Variants in NUCKS1 observed in about 807,000 individuals in gnomAD.
NUCKS1 encodes nuclear ubiquitous casein and cyclin-dependent kinase substrate 1.
Under a neutral mutation model 33.0 loss-of-function variants are expected in NUCKS1, and 2 were observed. The ratio of observed to expected loss-of-function variants is 0.06; its 90% CI spans 0.02 to 0.19. The LOEUF (loss-of-function observed/expected upper bound fraction) is 0.19. Among genes scored for constraint, NUCKS1 ranks in the 10% least tolerant of loss-of-function variants. The pLI is 1.00. For synonymous variants in NUCKS1, 106 were observed against 102.8 expected (o/e 1.03, Z -0.19); for missense variants, 201 against 293.6 (o/e 0.68, Z 2.31).
At chr1:205,739,011 C>T (rs1244403874) in intron 1 of NUCKS1, among the ~76,000 whole-genome samples, 1 of 152,176 alleles carries the variant, frequency 6.6e-6, no homozygotes, top group Non-Finnish European at 1.5e-5. Flanking sequence ...GTGTGTGAAT[C>T]CACGGCGACT....
intron 6 of NUCKS1, among the ~76,000 whole-genome samples, chr1:205,719,198 G>A (rs1671879476): frequency 6.6e-6 from 1 of 152,182 alleles, no homozygotes; most frequent in Admixed American, 6.5e-5. Flanking sequence ...CTGAGACTGT[G>A]ATACCAGTGA....
chr1:205,727,901 T>C (rs1211666856), intron 2 of NUCKS1, 96 bp from the exon 3 acceptor site: 1 of 827,172 alleles, frequency 1.2e-6, no homozygotes, highest in Non-Finnish European at 1.9e-6. Context: ...GCTGTTTAAA[T>C]GGTGAGAGGA....
chr1:205,727,864 A>G (rs1206925477), intron 2 of NUCKS1, 59 bp from the exon 3 acceptor site: 1 of 1,075,574 alleles, frequency 9.3e-7, no homozygotes, highest in African/African-American at 1.6e-5. Context: ...AATCACCACT[A>G]TATTTACTGA....
intron 1 of NUCKS1, among the ~76,000 whole-genome samples, chr1:205,732,210 A>G (rs1256480151): frequency 3.9e-5 from 6 of 152,108 alleles, no homozygotes; most frequent in Non-Finnish European, 8.8e-5. Flanking sequence ...TATAAAATAT[A>G]CTCCAACTAT....
Position 205,717,367 on chromosome 1 carries a change from A to G in NUCKS1, c.*913T>C. 1.0e-6 allele frequency: 1 copy of G among 986,232 alleles called. No homozygotes were observed. The highest frequency in any genetic ancestry group is 1.2e-6 in the Non-Finnish European group (1 of 829,216). The allele number at this position is 986,232 out of a possible 1,614,324, so 61.1% of individuals were successfully genotyped here. ...TGAAAAGAAATCCACTGTGACCTGT[A>G]GACTGATCTTGTTGATTAAATTCTA... On this transcript the variant is annotated 3_prime_UTR_variant, in exon 7 of 7. Transcript: ENST00000367142.
At chr1:205,735,866 A>G (rs954293373) in intron 1 of NUCKS1, among the ~76,000 whole-genome samples, 2 of 152,244 alleles carry the variant, frequency 1.3e-5, no homozygotes, top group African/African-American at 2.4e-5. Flanking sequence ...TGTAAGTCTT[A>G]AAAGTATTGG....
intron 3 of NUCKS1, among the ~76,000 whole-genome samples, chr1:205,724,500 C>T (rs1453088426): frequency 2.6e-5 from 4 of 152,132 alleles, no homozygotes; most frequent in Non-Finnish European, 5.9e-5. Flanking sequence ...TCAAGACCAG[C>T]CTGGCTAACA....
Position 205,723,949 on chromosome 1 carries a change from T to A in NUCKS1, c.206A>T (p.Lys69Met), listed in dbSNP as rs998298577. The A allele has an allele frequency of 6.2e-7, 1 of 1,612,076 alleles. No homozygotes were observed. The highest frequency in any genetic ancestry group is 8.5e-7 in the Non-Finnish European group (1 of 1,178,526). Residue 69 changes from lysine to methionine, a missense_variant, in exon 4 of 7, where the codon AAG (lysine) becomes ATG (methionine). Physicochemically the swap from Lys to Met is moderately conservative, Grantham distance 95. Transcript: ENST00000367142. ...EDSEDKDVKT[K>M]KDDSHSAEDS... ...ACCTGCTGAGTGAGAATCATCCTTCTTGGTCTTCACATCTTTGTCTTCTGA... is the reference window on the plus strand; with the variant it reads ...ACCTGCTGAGTGAGAATCATCCTTCATGGTCTTCACATCTTTGTCTTCTGA...
rs967546766 is a variant in NUCKS1 at position 205,715,592 on chromosome 1, G to C, written c.*2688C>G. On this transcript the variant is annotated 3_prime_UTR_variant, in exon 7 of 7. Coordinates refer to ENST00000367142, the MANE Select transcript of NUCKS1 (RefSeq NM_022731.5). ...TGCTACGTATGTCTAGCTGGGGAAG[G>C]GGGGATCTGGAAAAAAAATCTTAAG... The C allele has an allele frequency of 6.6e-6, 1 of 152,368 alleles. No individual in the cohort carries two copies. The highest frequency in any genetic ancestry group is 1.9e-4 in the East Asian group (1 of 5,194). The allele number at this position is 152,368 out of a possible 1,614,324, so 9.4% of individuals were successfully genotyped here.
intron 1 of NUCKS1, among the ~76,000 whole-genome samples, chr1:205,745,383 A>G (rs1055149503): frequency 6.6e-6 from 1 of 152,176 alleles, no homozygotes; most frequent in Non-Finnish European, 1.5e-5. Flanking sequence ...CAGCTACCTG[A>G]AAGGCTGAGG....
At position 205,718,356 on chromosome 1, in the gene NUCKS1, T is replaced by C; in HGVS notation, c.656A>G (p.Lys219Arg). 6.2e-7 allele frequency: 1 copy of C among 1,613,894 alleles called. No homozygotes were observed. The highest frequency in any genetic ancestry group is 8.5e-7 in the Non-Finnish European group (1 of 1,179,984). Reference protein sequence around the residue: ...DEEPESPPEKKTSTSPPPEKS... With the variant: ...DEEPESPPEKRTSTSPPPEKS... ...CTCGGGTGGGGGGCTTGTAGATGTT[T>C]TCTTTTCTGGCGGGCTTTCCGGTTC... The change falls in exon 7 of 7, where the codon AAA becomes AGA. Residue 219 changes from lysine (K) to arginine (R), a missense_variant. Coordinates refer to ENST00000367142, the MANE Select transcript of NUCKS1 (RefSeq NM_022731.5).
In NUCKS1 at chr1:205,750,048, A is replaced by ACCCC; in HGVS notation, c.-79_-76dup. ...CCCCACCCCGCGCGCTCGGCGCCCCACCCCCCCCGAACTTCAGCCGATGGG... is the reference window on the plus strand; with the variant it reads ...CCCCACCCCGCGCGCTCGGCGCCCCACCCCCCCCCCCCGAACTTCAGCCGATGGG... On this transcript the variant is annotated 5_prime_UTR_variant, in exon 1 of 7. Transcript: ENST00000367142. 6 of 870,118 alleles carry ACCCC rather than the reference A, an allele frequency of 6.9e-6. No individual in the cohort carries two copies. The highest frequency in any genetic ancestry group is 3.8e-5 in the South Asian group (2 of 52,140). The allele number at this position is 870,118 out of a possible 1,614,324, so 53.9% of individuals were successfully genotyped here. A position where few individuals can be genotyped will look rare whatever the true frequency, so the allele number is the denominator to read the frequency against.
rs758227848 is a variant in NUCKS1 at position 205,718,237 on chromosome 1, C to CT, written c.*42dup. On this transcript the variant is annotated 3_prime_UTR_variant, in exon 7 of 7. Transcript: ENST00000367142. ...TCCTCCCTCTTTTTTCTTTTTTTTT[C>CT]TTTTTTTTTTTAATAAAATCTCTCC... is the stretch of plus-strand genomic sequence containing the variant. The CT allele has an allele frequency of 0.01, 6,203 of 605,644 alleles. No individual in the cohort carries two copies. Among genetic ancestry groups the CT allele is most frequent in the South Asian group, 0.024 (914 of 37,330 alleles). 37.5% of individuals were successfully genotyped at this position (605,644 alleles called of 1,614,324 possible).
intron 1 of NUCKS1, among the ~76,000 whole-genome samples, chr1:205,744,471 G>T (rs1456085362): frequency 1.3e-5 from 2 of 151,940 alleles, no homozygotes; most frequent in African/African-American, 2.4e-5. Flanking sequence ...TTTTTTTTCA[G>T]CTCATGCTGT....
chr1:205,719,064 C>T (rs549729461), intron 6 of NUCKS1, among the ~76,000 whole-genome samples: 26 of 152,318 alleles, frequency 1.7e-4, no homozygotes, highest in African/African-American at 6.0e-4. Flanking sequence ...AGAAAAAAAT[C>T]AACTCATGTC....
intron 1 of NUCKS1, among the ~76,000 whole-genome samples, chr1:205,740,653 A>C (rs1426701589): frequency 6.6e-6 from 1 of 152,016 alleles, no homozygotes; most frequent in East Asian, 1.9e-4. Flanking sequence ...ACAAAGCCAC[A>C]AGATATGAGA....
At chr1:205,718,802 C>T (rs1251209002) in intron 6 of NUCKS1, among the ~76,000 whole-genome samples, 1 of 152,118 alleles carries the variant, frequency 6.6e-6, no homozygotes, top group Non-Finnish European at 1.5e-5. Flanking sequence ...GGTAAACTAA[C>T]AGTTGTTTAT....
rs528432834 is a variant in NUCKS1, at chr1:205,750,157, C to A, written c.-184G>T. 9 of 639,718 alleles carry A rather than the reference C, an allele frequency of 1.4e-5. No individual in the cohort carries two copies. Among genetic ancestry groups the A allele is most frequent in the Non-Finnish European group, 1.9e-5 (7 of 362,416 alleles). 39.6% of individuals were successfully genotyped at this position (639,718 alleles called of 1,614,324 possible). A position where few individuals can be genotyped will look rare whatever the true frequency, so the allele number is the denominator to read the frequency against. ...GGGCTCCTGGAACAGACGAGCCCCC[C>A]GCTCCCCCGTCTCTTCAAAATGGAT... On this transcript the variant is annotated 5_prime_UTR_variant, in exon 1 of 7. Coordinates refer to ENST00000367142, the MANE Select transcript of NUCKS1 (RefSeq NM_022731.5).
At chr1:205,726,446 A>C (rs1653780006) in intron 3 of NUCKS1, among the ~76,000 whole-genome samples, 1 of 152,236 alleles carries the variant, frequency 6.6e-6, no homozygotes, top group Non-Finnish European at 1.5e-5. Context: ...TTTTTCCTTA[A>C]AAGCACACTT....
Sources: gnomAD v4.1 joint callset for allele counts (sites outside exome capture counted in the v4.1 genomes callset) on GRCh38, gnomAD v4.1.1 for gene constraint, MANE v1.5 for transcripts, NCBI Gene and HGNC (gene_info 2026-07-23, HGNC 2026-07-21) for gene names.